Variants in PFKFB3 observed in about 807,000 individuals in gnomAD.
PFKFB3 encodes 6-phosphofructo-2-kinase/fructose-2,6-bisphosphatase 3.
In PFKFB3, 33 loss-of-function variants were observed where a neutral mutation model predicts 68.0. The ratio of observed to expected loss-of-function variants is 0.49; its 90% CI spans 0.37 to 0.65. The LOEUF (loss-of-function observed/expected upper bound fraction) is 0.65. Ranked by LOEUF, PFKFB3 falls within the 30% of genes least tolerant of loss-of-function variation. The pLI is 0.00. For missense variants in PFKFB3, 586 were observed against 712.2 expected, an observed-to-expected ratio of 0.82 and a Z score of 2.02; for synonymous variants, 315 against 288.2, an observed-to-expected ratio of 1.09 and a Z score of -0.94.
At chr10:6,151,355 A>G (rs1041455423) in intron 1 of PFKFB3, among the ~76,000 whole-genome samples, 1 of 150,602 alleles carries the variant, frequency 6.6e-6, no homozygotes, top group African/African-American at 2.5e-5. Context: ...CTCTGACATG[A>G]CAGTTCAAAA....
intron 1 of PFKFB3, among the ~76,000 whole-genome samples, chr10:6,207,229 A>G (rs1168711791): frequency 1.3e-5 from 2 of 152,196 alleles, no homozygotes; most frequent in African/African-American, 2.4e-5. Context: ...CGCGGTTAGG[A>G]GCTGGAGACC....
intron 1 of PFKFB3, among the ~76,000 whole-genome samples, chr10:6,208,402 A>G (rs1432930760): frequency 1.3e-5 from 1 of 79,434 alleles, no homozygotes; most frequent in Non-Finnish European, 2.3e-5. Flanking sequence ...TTGCCTCTTA[A>G]AAACAGTGGA....
the PFKFB3 span, among the ~76,000 whole-genome samples, chr10:6,304,204 T>C: frequency 6.6e-6 from 1 of 152,170 alleles, no homozygotes; most frequent in Admixed American, 6.5e-5. Flanking sequence ...TAGATTTAAA[T>C]ATTTAGATAG....
intron 14 of PFKFB3, among the ~76,000 whole-genome samples, chr10:6,245,304 C>T (rs1846230046): frequency 6.6e-6 from 1 of 152,030 alleles, no homozygotes; most frequent in East Asian, 1.9e-4. Flanking sequence ...ACCATGTTGG[C>T]CAGACTGGTC....
At chr10:6,211,122 C>T (rs1844206867) in intron 1 of PFKFB3, among the ~76,000 whole-genome samples, 2 of 152,208 alleles carry the variant, frequency 1.3e-5, no homozygotes, top group Admixed American at 6.5e-5. Flanking sequence ...GAGAATGGCT[C>T]TGCTTTGCCA....
intron 1 of PFKFB3, among the ~76,000 whole-genome samples, chr10:6,206,899 C>T (rs1261892911): frequency 1.7e-5 from 2 of 117,674 alleles, no homozygotes; most frequent in Non-Finnish European, 1.8e-5. Flanking sequence ...GGCAGAGGGG[C>T]TCCTCACATC....
At chr10:6,294,100 C>T in the PFKFB3 span, 1 of 496,118 alleles carries the variant, frequency 2.0e-6, no homozygotes, top group South Asian at 1.5e-5. Flanking sequence ...ATTGGCGCAC[C>T]AGAAACCATG....
chr10:6,276,888 CAT>C, the PFKFB3 span, among the ~76,000 whole-genome samples: 42 of 150,474 alleles, frequency 2.8e-4, no homozygotes, highest in African/African-American at 9.2e-4. Context: ...AGGTTTATCA[CAT>C]GTGTGGATTC....
At chr10:6,208,171 C>A (rs1424006291) in intron 1 of PFKFB3, among the ~76,000 whole-genome samples, 1 of 152,044 alleles carries the variant, frequency 6.6e-6, no homozygotes, top group Non-Finnish European at 1.5e-5. Context: ...AACTCCTGGG[C>A]TCAAGCAATC....
chr10:6,175,058 C>T (rs77190253), intron 1 of PFKFB3, among the ~76,000 whole-genome samples: 1,639 of 152,218 alleles, frequency 0.011, 64 homozygotes, highest in East Asian at 0.098. Flanking sequence ...CCAAGTGTTC[C>T]GTGCGTCTGC....
Position 6,182,626 on chromosome 10 carries a change from G to A in PFKFB3, c.17-30997G>A, listed in dbSNP as rs188389315. ...AGCGGGAGTGCCGGGATGTGGCCTC[G>A]AGGCCCCCGCCTGTCATTGTCTCCC... is the stretch of plus-strand genomic sequence containing the variant. On this transcript the variant is annotated intron_variant, in intron 1 of 14. Coordinates refer to the PFKFB3 transcript ENST00000379789. Among the ~76,000 whole-genome samples the A allele has an allele frequency of 9.5e-4, 144 of 152,262 alleles. 1 individual carries two copies. Among genetic ancestry groups the A allele is most frequent in the Non-Finnish European group, 1.7e-3 (117 of 68,010 alleles).
At chr10:6,302,920 C>T in the PFKFB3 span, among the ~76,000 whole-genome samples, 5,266 of 152,156 alleles carry the variant, frequency 0.035, 137 homozygotes, top group Middle Eastern at 0.15. Context: ...CATGGCGTCT[C>T]CCCAGTGCCT....
the PFKFB3 span, among the ~76,000 whole-genome samples, chr10:6,286,188 T>G: frequency 6.6e-6 from 1 of 152,026 alleles, no homozygotes; most frequent in South Asian, 2.1e-4. Context: ...TGTGTTATCC[T>G]TGATGGTCTC....
chr10:6,177,515 C>G (rs1468473863), intron 1 of PFKFB3, among the ~76,000 whole-genome samples: 2 of 123,674 alleles, frequency 1.6e-5, no homozygotes, highest in African/African-American at 5.7e-5. Flanking sequence ...CTCGCTCTCT[C>G]TTTCCTTTCT....
In PFKFB3 at chr10:6,146,462, C is replaced by T. The variant is rs182290931; in HGVS notation, c.16+1449C>T. The T allele has an allele frequency of 1.2e-4, 185 of 1,535,668 alleles. No individual in the cohort carries two copies. In the African/African-American group the frequency reaches 2.3e-3, roughly 19 times the overall value. On this transcript the variant is annotated intron_variant, in intron 1 of 14. Transcript: ENST00000379789. ...TCTGTCAGCTGGACACGTTTAGTCC[C>T]AAGGCCACTGTCTTCGGTGTCTCCA... is the stretch of plus-strand genomic sequence containing the variant.
At chr10:6,218,031 A>T (rs1450110765) in intron 6 of PFKFB3, among the ~76,000 whole-genome samples, 1 of 152,192 alleles carries the variant, frequency 6.6e-6, no homozygotes, top group African/African-American at 2.4e-5. Context: ...TAGGAAATGA[A>T]TTCCTGTTTC....
intron 1 of PFKFB3, among the ~76,000 whole-genome samples, chr10:6,166,954 C>T (rs531236843): frequency 1.2e-4 from 18 of 152,090 alleles, no homozygotes; most frequent in South Asian, 4.2e-4. Flanking sequence ...CTCAGCCTCC[C>T]GAGTAGCTGG....
downstream of PFKFB3, chr10:6,235,628 TC>T (rs1219727206): frequency 6.6e-6 from 1 of 152,370 alleles, no homozygotes; most frequent in Non-Finnish European, 1.5e-5. Context: ...ACTCACCACT[TC>T]ATTATCTTCC....
intron 10 of PFKFB3, 126 bp from the exon 11 acceptor site, chr10:6,222,729 A>G: frequency 1.4e-5 from 15 of 1,073,276 alleles, no homozygotes; most frequent in Non-Finnish European, 1.8e-5. Context: ...GCTCCTTCTC[A>G]ACCACTGCTG....
Sources: allele counts gnomAD v4.1 joint callset (sites outside exome capture counted in the v4.1 genomes callset), GRCh38; gene constraint gnomAD v4.1.1; transcripts MANE v1.5; gene names NCBI Gene and HGNC (gene_info 2026-07-23, HGNC 2026-07-21).